Variants in ITPR1 observed in about 807,000 individuals in gnomAD.
The protein encoded by ITPR1 is inositol 1,4,5-trisphosphate-gated calcium channel ITPR1.
In ITPR1, 96 loss-of-function variants were observed where a neutral mutation model predicts 318.4. The ratio of observed to expected loss-of-function variants is 0.30; its 90% CI spans 0.26 to 0.36. ITPR1 has a LOEUF of 0.36. ITPR1 is among the 10% of genes least tolerant of loss of function. The probability of loss-of-function intolerance (pLI) is 1.00; values close to 1 mark genes in which losing one functional copy is unlikely to be tolerated. For synonymous variants in ITPR1, 1,312 were observed against 1,289.9 expected, an observed-to-expected ratio of 1.02 and a Z score of -0.37; for missense variants, 2,440 against 3,460.2, an observed-to-expected ratio of 0.71 and a Z score of 7.40.
intron 48 of ITPR1, among the ~76,000 whole-genome samples, chr3:4,778,453 A>G (rs951291378): frequency 2.0e-5 from 3 of 152,246 alleles, no homozygotes; most frequent in African/African-American, 2.4e-5. Context: ...AGGAAAGGTC[A>G]TTAGGAAAGA....
At chr3:4,637,696 G>T (rs2093231625) in intron 5 of ITPR1, among the ~76,000 whole-genome samples, 1 of 152,198 alleles carries the variant, frequency 6.6e-6, no homozygotes, top group Non-Finnish European at 1.5e-5. Context: ...ATGCTAACCT[G>T]TGTGGATCAT....
intron 2 of ITPR1, among the ~76,000 whole-genome samples, chr3:4,502,338 A>G (rs948050981): frequency 1.3e-5 from 2 of 152,164 alleles, no homozygotes; most frequent in African/African-American, 2.4e-5. Flanking sequence ...TTTAACTCAT[A>G]AGAATACCTG....
At chr3:4,575,294 A>C (rs993113207) in intron 4 of ITPR1, among the ~76,000 whole-genome samples, 1 of 152,348 alleles carries the variant, frequency 6.6e-6, no homozygotes, top group East Asian at 1.9e-4. Context: ...GAGAAGGTTT[A>C]AATGGGATTT....
In ITPR1 at chr3:4,673,132, C is replaced by G; in HGVS notation, c.2205-4C>G. 1 of 1,611,966 alleles carries G rather than the reference C, an allele frequency of 6.2e-7. No homozygotes were observed. On this transcript the variant is annotated splice_region_variant and splice_polypyrimidine_tract_variant and intron_variant, in intron 20 of 61. Transcript: ENST00000649015. ...GAGCTGTGTGCCCTTGTTCCTTCCT[C>G]TAGATATCAGCTGAACCTCTTTGCG...
chr3:4,604,001 T>A (rs1481840700), intron 4 of ITPR1, among the ~76,000 whole-genome samples: 2 of 152,194 alleles, frequency 1.3e-5, no homozygotes, highest in Non-Finnish European at 2.9e-5. Context: ...GTCTTCTTTT[T>A]AAATTTTTTA....
chr3:4,644,863 G>A (rs1334597889), intron 8 of ITPR1, among the ~76,000 whole-genome samples: 2 of 152,172 alleles, frequency 1.3e-5, no homozygotes, highest in African/African-American at 4.8e-5. Context: ...TGAAATGGGG[G>A]CGGCGGTCGG....
At chr3:4,787,147 T>C (rs2047245350) in intron 51 of ITPR1, among the ~76,000 whole-genome samples, 1 of 152,038 alleles carries the variant, frequency 6.6e-6, no homozygotes, top group Non-Finnish European at 1.5e-5. Flanking sequence ...ACAGAACCAT[T>C]CCATCATTAC....
Position 4,516,331 on chromosome 3 carries a change from A to G in ITPR1, c.-16-145A>G, listed in dbSNP as rs56378811. 77,119 of 524,368 alleles carry G rather than the reference A, an allele frequency of 0.15. 6,871 individuals carry two copies. The highest frequency in any genetic ancestry group is 0.18 in the Non-Finnish European group (55,158 of 300,382). The allele number at this position is 524,368 out of a possible 1,614,324, so 32.5% of individuals were successfully genotyped here. A position where few individuals can be genotyped will look rare whatever the true frequency, so the allele number is the denominator to read the frequency against. ...CATATGTCCTTACTTGGCTCATTGA[A>G]TCGCCTGCCTGTCAAACTGTTATTT... is the stretch of plus-strand genomic sequence containing the variant. On this transcript the variant is annotated intron_variant, in intron 2 of 61. Coordinates refer to ENST00000649015, the MANE Select transcript of ITPR1 (RefSeq NM_001378452.1).
chr3:4,808,918 C>G (rs998844609), intron 55 of ITPR1, among the ~76,000 whole-genome samples: 11 of 152,280 alleles, frequency 7.2e-5, no homozygotes, highest in African/African-American at 2.6e-4. Context: ...AAGCTGTGTC[C>G]TTAGAAAAAT....
chr3:4,766,593 G>T lies in ITPR1; in HGVS notation c.5608G>T (p.Asp1870Tyr). Residue 1870 changes from aspartate (D) to tyrosine (Y), a missense_variant, in exon 45 of 62, where the codon GAC becomes TAC. Around this residue, in one of 23 missense-constraint regions of ITPR1, gnomAD observed 80 missense variants for 122.0 expected, o/e 0.66. Coordinates refer to ENST00000649015, the MANE Select transcript of ITPR1 (RefSeq NM_001378452.1). ...AGAGAAATTCTTTAAGGTGTTTTAT[G>T]ACCGGATGAAGGTGGCCCAGCAAGA... ...KSEKFFKVFYDRMKVAQQEIK... is the reference protein window; with the variant it reads ...KSEKFFKVFYYRMKVAQQEIK... The T allele has an allele frequency of 6.2e-7, 1 of 1,613,838 alleles. No individual in the cohort carries two copies. Among genetic ancestry groups the T allele is most frequent in the South Asian group, 1.1e-5 (1 of 91,062 alleles).
intron 32 of ITPR1, among the ~76,000 whole-genome samples, chr3:4,692,277 A>G (rs1361421695): frequency 8.3e-6 from 1 of 120,702 alleles, no homozygotes; most frequent in Non-Finnish European, 2.1e-5. Flanking sequence ...TATAACATGA[A>G]GATACGCAGA....
At chr3:4,519,771 CACTTTGAT>C (rs2082422986) in intron 3 of ITPR1, among the ~76,000 whole-genome samples, 1 of 132,054 alleles carries the variant, frequency 7.6e-6, no homozygotes, top group Non-Finnish European at 1.7e-5. Flanking sequence ...GTACCATGGA[CACTTTGAT>C]TTACCCACCA....
rs2047798631 is a variant in ITPR1, at chr3:4,794,879, C to A, written c.6809-186C>A. 8.4e-6 allele frequency: 5 copies of A among 595,300 alleles called. No homozygotes were observed. The South Asian group carries it at 1.3e-4, about 15-fold the overall frequency. The allele number at this position is 595,300 out of a possible 1,614,324, so 36.9% of individuals were successfully genotyped here. ...CTTCTGTTCCAGTAAGTACTCCACA[C>A]AGAAATAAACCAATCTGATGTCATT... On this transcript the variant is annotated intron_variant, in intron 52 of 61. Coordinates refer to ENST00000649015, the MANE Select transcript of ITPR1 (RefSeq NM_001378452.1).
At chr3:4,611,598 T>TAAATA (rs1461796754) in intron 4 of ITPR1, among the ~76,000 whole-genome samples, 2 of 95,518 alleles carry the variant, frequency 2.1e-5, no homozygotes, top group South Asian at 9.4e-4. Context: ...ATAAATAAAT[T>TAAATA]AGCAGGTGTC....
chr3:4,629,323 T>C (rs1024499832), intron 5 of ITPR1, among the ~76,000 whole-genome samples: 9 of 152,314 alleles, frequency 5.9e-5, no homozygotes, highest in African/African-American at 2.2e-4. Flanking sequence ...GAGCTAGGAC[T>C]TTGAGCCTTT....
intron 60 of ITPR1, among the ~76,000 whole-genome samples, chr3:4,828,861 CTGACA>C: frequency 6.6e-6 from 1 of 152,302 alleles, no homozygotes; most frequent in South Asian, 2.1e-4. Flanking sequence ...CAGAACCAGA[CTGACA>C]CCTTGATTTA....
At chr3:4,828,630 G>A (rs973592683) in intron 60 of ITPR1, among the ~76,000 whole-genome samples, 2 of 152,140 alleles carry the variant, frequency 1.3e-5, no homozygotes, top group South Asian at 2.1e-4. Context: ...ATCCTCCACC[G>A]GTGGCCCCAG....
intron 4 of ITPR1, among the ~76,000 whole-genome samples, chr3:4,553,763 G>T (rs899360906): frequency 1.3e-5 from 2 of 152,078 alleles, no homozygotes; most frequent in African/African-American, 2.4e-5. Flanking sequence ...ACCACGCCTG[G>T]CTAATTTTTG....
intron 44 of ITPR1, among the ~76,000 whole-genome samples, chr3:4,743,922 C>T (rs1559815420): frequency 1.3e-5 from 2 of 152,196 alleles, no homozygotes; most frequent in Non-Finnish European, 2.9e-5. Flanking sequence ...GCAACCTCCG[C>T]CTCATGGGTT....
Sources: allele counts gnomAD v4.1 joint callset (sites outside exome capture counted in the v4.1 genomes callset), GRCh38; gene constraint gnomAD v4.1.1; regional missense constraint gnomAD v4.1.1; transcripts MANE v1.5; gene names NCBI Gene and HGNC (gene_info 2026-07-23, HGNC 2026-07-21).